Variants in NALF1 observed in about 807,000 individuals in gnomAD.
NALF1 encodes the protein family with sequence similarity 155 member A.
A neutral mutation model predicts 48.4 loss-of-function variants in NALF1; 3 were observed. The ratio of observed to expected loss-of-function variants is 0.06; its 90% CI spans 0.03 to 0.16. The LOEUF is 0.16. Ranked by LOEUF, NALF1 falls within the 10% of genes least tolerant of loss-of-function variation. NALF1 has a pLI of 1.00. For missense variants in NALF1, 526 were observed against 571.5 expected, an observed-to-expected ratio of 0.92 and a Z score of 0.81; for synonymous variants, 262 against 245.7, an observed-to-expected ratio of 1.07 and a Z score of -0.62.
At chr13:107,511,868 C>CTAATGGCTT (rs542216004) in intron 1 of NALF1, among the ~76,000 whole-genome samples, 118 of 152,338 alleles carry the variant, frequency 7.7e-4, no homozygotes, top group African/African-American at 2.8e-3. Context: ...TCACCTCCGT[C>CTAATGGCTT]TAATGGCTTC....
At chr13:107,848,899 C>T (rs994904882) in intron 1 of NALF1, among the ~76,000 whole-genome samples, 2 of 152,266 alleles carry the variant, frequency 1.3e-5, no homozygotes, top group African/African-American at 4.8e-5. Context: ...GTCAAATACA[C>T]GAGGCCACAT....
At chr13:107,392,381 C>G (rs1216515437) in intron 1 of NALF1, among the ~76,000 whole-genome samples, 1 of 152,144 alleles carries the variant, frequency 6.6e-6, no homozygotes. Context: ...CTTTACTCAG[C>G]ACCCTCAATC....
intron 1 of NALF1, among the ~76,000 whole-genome samples, chr13:107,522,672 C>T (rs1428915742): frequency 1.3e-5 from 2 of 151,368 alleles, no homozygotes; most frequent in South Asian, 2.1e-4. Flanking sequence ...GGTGTGATCT[C>T]GACTCACTGC....
At chr13:107,472,089 T>C (rs1283984761) in intron 1 of NALF1, among the ~76,000 whole-genome samples, 1 of 152,182 alleles carries the variant, frequency 6.6e-6, no homozygotes, top group Non-Finnish European at 1.5e-5. Flanking sequence ...CTCAGAACTT[T>C]GGGAGGCTGA....
chr13:107,393,031 G>C (rs1398848696), intron 1 of NALF1, among the ~76,000 whole-genome samples: 1 of 152,068 alleles, frequency 6.6e-6, no homozygotes, highest in Non-Finnish European at 1.5e-5. Flanking sequence ...CTCATTTTAG[G>C]AACTAAAGGA....
At chr13:107,403,950 C>T (rs1051327044) in intron 1 of NALF1, among the ~76,000 whole-genome samples, 1 of 151,972 alleles carries the variant, frequency 6.6e-6, no homozygotes, top group Non-Finnish European at 1.5e-5. Flanking sequence ...TAAAACGAAG[C>T]CTGATAATTA....
chr13:107,715,295 C>T (rs557940280), intron 1 of NALF1, among the ~76,000 whole-genome samples: 8 of 152,002 alleles, frequency 5.3e-5, no homozygotes, highest in South Asian at 4.2e-4. Context: ...CTCCGCCTCC[C>T]GGGTTGAAAA....
Position 107,527,507 on chromosome 13 carries a change from G to A in NALF1, c.916-316752C>T, listed in dbSNP as rs1265962704. Among the ~76,000 whole-genome samples the A allele has an allele frequency of 2.6e-5, 4 of 152,198 alleles. No homozygotes were observed. The East Asian group carries it at 5.8e-4, about 22-fold the overall frequency. On this transcript the variant is annotated intron_variant, in intron 1 of 2. Coordinates refer to ENST00000375915, the MANE Select transcript of NALF1 (RefSeq NM_001080396.3). ...TGCACACACAAACACAAACATACAC[G>A]TTTTCCATGGCTGATAATTAAATAC...
chr13:107,206,209 T>C (rs1468977024), intron 2 of NALF1, among the ~76,000 whole-genome samples: 3 of 152,224 alleles, frequency 2.0e-5, no homozygotes, highest in African/African-American at 7.2e-5. Context: ...TATTCTTTAA[T>C]AGAAAAAAAT....
intron 2 of NALF1, among the ~76,000 whole-genome samples, chr13:107,197,005 C>T (rs1400708189): frequency 6.6e-6 from 1 of 152,098 alleles, no homozygotes. Flanking sequence ...GAGGTGGGGC[C>T]TTTGGAAGGG....
intron 1 of NALF1, among the ~76,000 whole-genome samples, chr13:107,767,921 A>G (rs1877460121): frequency 1.3e-5 from 2 of 152,186 alleles, no homozygotes; most frequent in South Asian, 4.1e-4. Flanking sequence ...GAGATGTATG[A>G]AGTAGAGACA....
intron 1 of NALF1, among the ~76,000 whole-genome samples, chr13:107,223,694 G>A (rs199834942): frequency 4.0e-4 from 61 of 152,100 alleles, no homozygotes; most frequent in East Asian, 7.7e-4. Context: ...GACTTGCTGC[G>A]GTCTAACCCC....
At chr13:107,803,036 A>T (rs1342533241) in intron 1 of NALF1, among the ~76,000 whole-genome samples, 3 of 152,126 alleles carry the variant, frequency 2.0e-5, no homozygotes, top group Non-Finnish European at 4.4e-5. Flanking sequence ...TGCCTGAAAA[A>T]TCTCAATTTT....
chr13:107,495,224 TACAA>T (rs1300066709), intron 1 of NALF1, among the ~76,000 whole-genome samples: 1 of 151,706 alleles, frequency 6.6e-6, no homozygotes, highest in Non-Finnish European at 1.5e-5. Flanking sequence ...CATCAGATAC[TACAA>T]ACAATTGTGC....
chr13:107,205,445 T>C (rs1173014534), intron 2 of NALF1, among the ~76,000 whole-genome samples: 1 of 152,110 alleles, frequency 6.6e-6, no homozygotes, highest in Non-Finnish European at 1.5e-5. Context: ...TTCCGTTGCC[T>C]GCAGGCAGTG....
intron 1 of NALF1, among the ~76,000 whole-genome samples, chr13:107,785,126 T>G (rs1014488302): frequency 5.3e-5 from 8 of 151,826 alleles, no homozygotes; most frequent in Non-Finnish European, 1.2e-4. Flanking sequence ...ATATATATAT[T>G]CATATATATG....
chr13:107,275,970 T>C (rs1375067942), intron 1 of NALF1, among the ~76,000 whole-genome samples: 1 of 152,116 alleles, frequency 6.6e-6, no homozygotes, highest in Non-Finnish European at 1.5e-5. Flanking sequence ...TGAGAGCTGC[T>C]CAACTGGGGG....
At chr13:107,316,004 T>C (rs552187795) in intron 1 of NALF1, among the ~76,000 whole-genome samples, 236 of 152,006 alleles carry the variant, frequency 1.6e-3, no homozygotes, top group East Asian at 9.3e-3. Flanking sequence ...CCCATTAACT[T>C]GTCATTTACA....
intron 1 of NALF1, among the ~76,000 whole-genome samples, chr13:107,505,688 C>T (rs1363174364): frequency 1.3e-5 from 2 of 152,144 alleles, no homozygotes; most frequent in East Asian, 3.9e-4. Context: ...ATGTGCAAAG[C>T]TTGAAGTGCC....
Sources: gnomAD v4.1 joint callset for allele counts (sites outside exome capture counted in the v4.1 genomes callset) on GRCh38, gnomAD v4.1.1 for gene constraint, MANE v1.5 for transcripts, NCBI Gene and HGNC (gene_info 2026-07-23, HGNC 2026-07-21) for gene names.